RRAS2: variants seen among roughly 807,000 people sequenced by gnomAD.
RRAS2 encodes ras-related protein R-Ras2.
Under a neutral mutation model 27.6 loss-of-function variants are expected in RRAS2, and 7 were observed. The ratio of observed to expected loss-of-function variants is 0.25; its 90% CI spans 0.14 to 0.48. RRAS2 has a LOEUF of 0.48. RRAS2 is among the 20% of genes least tolerant of loss of function. The probability of loss-of-function intolerance (pLI) is 0.99; values close to 1 mark genes in which losing one functional copy is unlikely to be tolerated. For missense variants in RRAS2, 178 were observed against 256.2 expected (o/e 0.69, Z 2.08); for synonymous variants, 86 against 90.9 (o/e 0.95, Z 0.31).
At chr11:14,300,163 T>C (rs1847661456) in intron 1 of RRAS2, among the ~76,000 whole-genome samples, 1 of 151,952 alleles carries the variant, frequency 6.6e-6, no homozygotes, top group Middle Eastern at 3.4e-3. Flanking sequence ...GGGTGGAGGA[T>C]GGAGAGAGCA....
In RRAS2 at chr11:14,295,859, CAAGAA is replaced by C; in HGVS notation, c.109-9_109-5del. 6.2e-7 allele frequency: 1 copy of C among 1,611,242 alleles called. No individual in the cohort carries two copies. The highest frequency in any genetic ancestry group is 8.5e-7 in the Non-Finnish European group (1 of 1,178,920). ...CATAATCCGTTACAAAATAGGACTG[CAAGAA>C]AAGAAAAAACTTTATTTTAAAATTC... On this transcript the variant is annotated splice_region_variant and splice_polypyrimidine_tract_variant and intron_variant, in intron 1 of 5. Coordinates refer to ENST00000256196, the MANE Select transcript of RRAS2 (RefSeq NM_012250.6).
At chr11:14,279,978 C>T (rs1394883771) in intron 5 of RRAS2, among the ~76,000 whole-genome samples, 1 of 152,176 alleles carries the variant, frequency 6.6e-6, no homozygotes, top group East Asian at 1.9e-4. Context: ...ACCTCCTCTA[C>T]TTCTCCCCTC....
chr11:14,357,013 C>G (rs1199400509), intron 1 of RRAS2, among the ~76,000 whole-genome samples: 1 of 151,900 alleles, frequency 6.6e-6, no homozygotes, highest in African/African-American at 2.4e-5. Context: ...GTCTGGAACT[C>G]CTGACCTCGT....
At chr11:14,328,201 T>C (rs893091291) in intron 1 of RRAS2, among the ~76,000 whole-genome samples, 15 of 152,048 alleles carry the variant, frequency 9.9e-5, no homozygotes, top group Non-Finnish European at 1.6e-4. Flanking sequence ...AACCCATCTC[T>C]ACTAAAAATA....
At chr11:14,307,926 C>CAG (rs1554948346) in intron 1 of RRAS2, among the ~76,000 whole-genome samples, 1 of 152,012 alleles carries the variant, frequency 6.6e-6, no homozygotes, top group African/African-American at 2.4e-5. Context: ...GATAGGTCTG[C>CAG]ACATATAAGA....
intron 5 of RRAS2, among the ~76,000 whole-genome samples, chr11:14,279,641 T>C (rs1369972191): frequency 6.6e-6 from 1 of 152,040 alleles, no homozygotes; most frequent in Non-Finnish European, 1.5e-5. Context: ...AATGGATGAG[T>C]CCTGAATCAG....
chr11:14,319,410 C>T (rs1364142212), intron 1 of RRAS2, among the ~76,000 whole-genome samples: 1 of 123,050 alleles, frequency 8.1e-6, no homozygotes, highest in East Asian at 2.9e-4. Context: ...GGACTGCGGA[C>T]TGCAGTGGCG....
chr11:14,327,851 C>A (rs1264012783), intron 1 of RRAS2, among the ~76,000 whole-genome samples: 4 of 152,152 alleles, frequency 2.6e-5, no homozygotes, highest in African/African-American at 7.2e-5. Context: ...TTATTTACTT[C>A]TTTCCATACG....
At chr11:14,361,863 C>CA (rs373110127), upstream of RRAS2, among the ~76,000 whole-genome samples, 5 of 151,750 alleles carry the variant, frequency 3.3e-5, no homozygotes, top group East Asian at 1.9e-4. Context: ...AGTGGATAAA[C>CA]AAAAAAATGT....
chr11:14,281,215 C>T (rs1424007026), intron 5 of RRAS2, among the ~76,000 whole-genome samples: 1 of 152,092 alleles, frequency 6.6e-6, no homozygotes, highest in African/African-American at 2.4e-5. Flanking sequence ...TTCTCTGTAC[C>T]CCCATTTTCT....
At chr11:14,334,375 A>T (rs1848547924) in intron 1 of RRAS2, among the ~76,000 whole-genome samples, 1 of 152,126 alleles carries the variant, frequency 6.6e-6, no homozygotes, top group African/African-American at 2.4e-5. Context: ...TCATTTTAAG[A>T]TATGAGAATT....
In RRAS2 at chr11:14,279,297, G is replaced by A; in HGVS notation, c.*40C>T. 7.3e-7 allele frequency: 1 copy of A among 1,363,952 alleles called. No homozygotes were observed. The highest frequency in any genetic ancestry group is 1.0e-6 in the Non-Finnish European group (1 of 952,546). 84.5% of individuals were successfully genotyped at this position (1,363,952 alleles called of 1,614,324 possible). A position where few individuals can be genotyped will look rare whatever the true frequency, so the allele number is the denominator to read the frequency against. On this transcript the variant is annotated 3_prime_UTR_variant, in exon 6 of 6. Transcript: ENST00000256196. ...AACTGAGGAGAGAAAGAGAAGATGA[G>A]GGCTTTTCCTGGCCGTTGGTAGCTA...
upstream of RRAS2, among the ~76,000 whole-genome samples, chr11:14,361,153 G>C (rs1278473453): frequency 1.3e-5 from 2 of 152,228 alleles, no homozygotes; most frequent in African/African-American, 4.8e-5. Context: ...AGCTGGGCGT[G>C]GTACACGCCT....
At chr11:14,286,716 G>A (rs956242939) in intron 4 of RRAS2, among the ~76,000 whole-genome samples, 41 of 152,180 alleles carry the variant, frequency 2.7e-4, no homozygotes, top group African/African-American at 9.9e-4. Flanking sequence ...CATTCCAACA[G>A]GATAACGGGC....
intron 4 of RRAS2, among the ~76,000 whole-genome samples, chr11:14,294,219 T>C (rs940652924): frequency 3.3e-5 from 5 of 152,250 alleles, no homozygotes; most frequent in Non-Finnish European, 7.3e-5. Flanking sequence ...TGCAGGCTTA[T>C]AAAGTCTTAT....
chr11:14,292,251 C>CT (rs1847418812), intron 4 of RRAS2, among the ~76,000 whole-genome samples: 2 of 152,168 alleles, frequency 1.3e-5, no homozygotes, highest in Admixed American at 1.3e-4. Context: ...ACCCTCCTCC[C>CT]TTCCCTAATC....
At position 14,340,988 on chromosome 11, in the gene RRAS2, C is replaced by A. The variant is rs568835072; in HGVS notation, c.108+17775G>T. On this transcript the variant is annotated intron_variant, in intron 1 of 5. Transcript: ENST00000256196. Reference sequence around the variant, plus strand: ...CCACCTCTCTCAAAGGCATAAGTACCCAAATCAGGCAAAGCCTTTAAGATG... The same window carrying A: ...CCACCTCTCTCAAAGGCATAAGTACACAAATCAGGCAAAGCCTTTAAGATG... Among the ~76,000 whole-genome samples, 6 of 152,274 alleles carry A rather than the reference C, an allele frequency of 3.9e-5. No homozygotes were observed. The South Asian group carries it at 1.2e-3, about 32-fold the overall frequency.
chr11:14,335,605 C>G (rs1021681306), intron 1 of RRAS2, among the ~76,000 whole-genome samples: 4 of 152,150 alleles, frequency 2.6e-5, no homozygotes, highest in Non-Finnish European at 5.9e-5. Context: ...CTTAAAATAA[C>G]TTTTTCTTCT....
At chr11:14,279,649 C>T (rs781978524) in intron 5 of RRAS2, among the ~76,000 whole-genome samples, 1 of 152,168 alleles carries the variant, frequency 6.6e-6, no homozygotes, top group African/African-American at 2.4e-5. Flanking sequence ...AGTCCTGAAT[C>T]AGACGAGATA....
Sources: gnomAD v4.1 joint callset for allele counts (sites outside exome capture counted in the v4.1 genomes callset) on GRCh38, gnomAD v4.1.1 for gene constraint, MANE v1.5 for transcripts, NCBI Gene and HGNC (gene_info 2026-07-23, HGNC 2026-07-21) for gene names.